The following CADPS2 variants were observed in gnomAD, a reference collection of about 807,000 sequenced individuals.
The protein encoded by CADPS2 is calcium-dependent secretion activator 2.
CADPS2 carries 93 observed loss-of-function variants against 172.5 expected under a neutral mutation model. The ratio of observed to expected loss-of-function variants is 0.54; its 90% CI spans 0.46 to 0.64. The LOEUF is 0.64. Ranked by LOEUF, CADPS2 falls within the 30% of genes least tolerant of loss-of-function variation. CADPS2 has a pLI of 0.00. For synonymous variants in CADPS2, 546 were observed against 555.2 expected, an observed-to-expected ratio of 0.98 and a Z score of 0.23; for missense variants, 1,420 against 1,565.9, an observed-to-expected ratio of 0.91 and a Z score of 1.57.
At chr7:122,736,919 C>A (rs1178066041) in intron 2 of CADPS2, 36 bp downstream of exon 2, 8 of 1,042,480 alleles carry the variant, frequency 7.7e-6, no homozygotes, top group Non-Finnish European at 1.2e-5. Flanking sequence ...TTTTAAAATG[C>A]ATCGGAAAGC....
chr7:122,359,227 A>T (rs897211807), intron 27 of CADPS2, among the ~76,000 whole-genome samples: 2 of 152,102 alleles, frequency 1.3e-5, no homozygotes, highest in African/African-American at 4.8e-5. Flanking sequence ...ATATGCAAAG[A>T]GCTATCATGC....
chr7:122,501,045 A>G (rs1200677104), intron 9 of CADPS2, among the ~76,000 whole-genome samples: 10 of 151,902 alleles, frequency 6.6e-5, no homozygotes, highest in Admixed American at 6.6e-4. Context: ...ACTTGAGGCT[A>G]GGAGTTCAAG....
chr7:122,560,370 A>G (rs1384561989), intron 7 of CADPS2, among the ~76,000 whole-genome samples: 1 of 152,204 alleles, frequency 6.6e-6, no homozygotes, highest in Non-Finnish European at 1.5e-5. Context: ...GTTATCCTAT[A>G]TAGGTAACAT....
chr7:122,854,567 C>T (rs1814647816), intron 1 of CADPS2, among the ~76,000 whole-genome samples: 1 of 152,168 alleles, frequency 6.6e-6, no homozygotes, highest in South Asian at 2.1e-4. Flanking sequence ...ATCATGTTGC[C>T]TAGCTGTGCC....
chr7:122,595,385 G>C (rs974443952), intron 6 of CADPS2, among the ~76,000 whole-genome samples: 1 of 151,968 alleles, frequency 6.6e-6, no homozygotes, highest in Non-Finnish European at 1.5e-5. Context: ...ACTTTAAGTG[G>C]GGGTTATGTT....
chr7:122,878,639 CAAATAAATAAATAAATAAATAAATAAAT>C (rs59190953), intron 1 of CADPS2, among the ~76,000 whole-genome samples: 1 of 138,936 alleles, frequency 7.2e-6, no homozygotes, highest in African/African-American at 2.7e-5. Context: ...GACTCTGTCT[CAAATAAATAAATAAATAAATAAATAAAT>C]AAATAAATAA....
chr7:122,730,102 G>C (rs543477245), intron 2 of CADPS2, among the ~76,000 whole-genome samples: 1 of 151,824 alleles, frequency 6.6e-6, no homozygotes, highest in African/African-American at 2.4e-5. Context: ...CATCATAACA[G>C]AGGGTTAAGC....
chr7:122,324,607 C>T (rs187317279), intron 29 of CADPS2, among the ~76,000 whole-genome samples: 3 of 152,096 alleles, frequency 2.0e-5, no homozygotes, highest in East Asian at 3.9e-4. Context: ...ACTGTGTATA[C>T]TCATATATAC....
intron 11 of CADPS2, among the ~76,000 whole-genome samples, chr7:122,482,857 C>T (rs1023759543): frequency 6.6e-6 from 1 of 152,066 alleles, no homozygotes; most frequent in African/African-American, 2.4e-5. Flanking sequence ...CTACAGAAGG[C>T]CTCCCCCAAG....
rs1477259782 is a variant in CADPS2 at position 122,574,448 on chromosome 7, A to T, written c.1335+6731T>A. On this transcript the variant is annotated intron_variant, in intron 7 of 29. Transcript: ENST00000449022. Reference sequence around the variant, plus strand: ...GTGATAGAGTGAGACCCTGTCTTAAAAAAAAAAAAAAAAAAAAAAAGTATA... The same window carrying T: ...GTGATAGAGTGAGACCCTGTCTTAATAAAAAAAAAAAAAAAAAAAAGTATA... Among the ~76,000 whole-genome samples, 65 of 140,878 alleles carry T rather than the reference A, an allele frequency of 4.6e-4. No individual in the cohort carries two copies. The East Asian group carries it at 0.013, about 28-fold the overall frequency. 92.4% of individuals were successfully genotyped at this position (140,878 alleles called of 152,430 possible).
chr7:122,479,742 C>A (rs960059364), intron 12 of CADPS2, among the ~76,000 whole-genome samples: 1 of 151,752 alleles, frequency 6.6e-6, no homozygotes, highest in Non-Finnish European at 1.5e-5. Context: ...ATAATATGTT[C>A]AATGTAAAAG....
intron 14 of CADPS2, among the ~76,000 whole-genome samples, chr7:122,463,814 T>C (rs887992948): frequency 2.0e-5 from 3 of 152,186 alleles, no homozygotes; most frequent in African/African-American, 7.2e-5. Context: ...GTTCAGGGGT[T>C]GAACAATTTT....
At chr7:122,781,930 C>T (rs138279456) in intron 1 of CADPS2, among the ~76,000 whole-genome samples, 1 of 152,248 alleles carries the variant, frequency 6.6e-6, no homozygotes, top group East Asian at 1.9e-4. Flanking sequence ...GGTGTCTTGA[C>T]ATTTACATGC....
At chr7:122,807,367 T>A (rs554017785) in intron 1 of CADPS2, among the ~76,000 whole-genome samples, 15 of 152,208 alleles carry the variant, frequency 9.9e-5, no homozygotes, top group African/African-American at 3.1e-4. Context: ...ATGAGAGGTG[T>A]TCCAGGCCTG....
At position 122,663,218 on chromosome 7, in the gene CADPS2, A is replaced by G. The variant is rs989799907; in HGVS notation, c.786+19T>C. ...CCACGAGTCAGACAGGGGAAGGGAA[A>G]ATATCAGAGACCACTTACCTGACAT... On this transcript the variant is annotated intron_variant, in intron 3 of 29. Transcript: ENST00000449022. The G allele has an allele frequency of 1.9e-6, 3 of 1,555,332 alleles. No homozygotes were observed. Among genetic ancestry groups the G allele is most frequent in the Non-Finnish European group, 2.6e-6 (3 of 1,133,368 alleles).
intron 28 of CADPS2, among the ~76,000 whole-genome samples, chr7:122,329,339 C>T (rs2034503937): frequency 6.6e-6 from 1 of 152,150 alleles, no homozygotes; most frequent in Non-Finnish European, 1.5e-5. Context: ...AATTGACAAA[C>T]CTCATCTCCT....
chr7:122,645,514 TTATATATA>T (rs376523760), intron 3 of CADPS2, among the ~76,000 whole-genome samples: 1 of 112,196 alleles, frequency 8.9e-6, no homozygotes, highest in South Asian at 2.6e-4. Flanking sequence ...ATATATATAC[TTATATATA>T]TATAAGTATA....
intron 8 of CADPS2, among the ~76,000 whole-genome samples, chr7:122,525,757 GGTTGA>G (rs1237503543): frequency 6.6e-6 from 1 of 152,090 alleles, no homozygotes; most frequent in Non-Finnish European, 1.5e-5. Context: ...TGGACCATAC[GGTTGA>G]GTTATTAACT....
intron 1 of CADPS2, among the ~76,000 whole-genome samples, chr7:122,807,266 T>C (rs1299873689): frequency 6.6e-6 from 1 of 152,108 alleles, no homozygotes; most frequent in Non-Finnish European, 1.5e-5. Context: ...CACTGCAGGC[T>C]CCAAGACTCA....
Sources: allele counts gnomAD v4.1 joint callset (sites outside exome capture counted in the v4.1 genomes callset), GRCh38; gene constraint gnomAD v4.1.1; transcripts MANE v1.5; gene names NCBI Gene and HGNC (gene_info 2026-07-23, HGNC 2026-07-21).